NREP: variants seen among roughly 807,000 people sequenced by gnomAD.
NREP encodes neuronal regeneration-related protein.
NREP carries 5 observed loss-of-function variants against 8.6 expected under a neutral mutation model. The ratio of observed to expected loss-of-function variants is 0.58; its 90% CI spans 0.30 to 1.22. NREP has a LOEUF of 1.22. Ranked by LOEUF, NREP falls within the 50% of genes most tolerant of loss-of-function variation. The pLI is 0.07. For missense variants in NREP, 86 were observed against 82.5 expected (o/e 1.04, Z -0.17); for synonymous variants, 27 against 28.0 (o/e 0.96, Z 0.11).
chr5:111,737,922 G>C (rs1749291346), intron 2 of NREP, among the ~76,000 whole-genome samples: 1 of 151,996 alleles, frequency 6.6e-6, no homozygotes, highest in African/African-American at 2.4e-5. Flanking sequence ...GAATCATCAA[G>C]TAATCATTGT....
chr5:111,745,617 G>A (rs556984094), intron 2 of NREP, among the ~76,000 whole-genome samples: 1 of 152,238 alleles, frequency 6.6e-6, no homozygotes, highest in East Asian at 1.9e-4. Flanking sequence ...AACTGCATTT[G>A]AAATCCTGTT....
At chr5:111,968,464 G>C (rs1008202720) in intron 2 of NREP, among the ~76,000 whole-genome samples, 1 of 152,138 alleles carries the variant, frequency 6.6e-6, no homozygotes, top group Admixed American at 6.5e-5. Context: ...TTGTTATACA[G>C]AAAGATGATT....
chr5:111,800,175 G>A (rs1391348260), intron 2 of NREP, among the ~76,000 whole-genome samples: 4 of 150,978 alleles, frequency 2.6e-5, no homozygotes, highest in Admixed American at 2.0e-4. Context: ...TGATTCGCCC[G>A]CCTCGGCCTC....
At chr5:111,903,412 T>C (rs1425218435) in intron 2 of NREP, among the ~76,000 whole-genome samples, 2 of 152,096 alleles carry the variant, frequency 1.3e-5, no homozygotes, top group Non-Finnish European at 2.9e-5. Context: ...AGTTTCATCA[T>C]ATATGATGAG....
chr5:111,929,545 G>A (rs1755480800), intron 2 of NREP, among the ~76,000 whole-genome samples: 1 of 152,136 alleles, frequency 6.6e-6, no homozygotes. Context: ...TTTTAACCTA[G>A]GTTCCACTAT....
intron 2 of NREP, among the ~76,000 whole-genome samples, chr5:111,830,733 C>T (rs934752825): frequency 6.6e-6 from 1 of 152,190 alleles, no homozygotes; most frequent in African/African-American, 2.4e-5. Context: ...TGAACTCAAA[C>T]TTTTATGGTT....
At chr5:111,919,895 G>GAAA (rs1264085531) in intron 2 of NREP, among the ~76,000 whole-genome samples, 2 of 145,826 alleles carry the variant, frequency 1.4e-5, no homozygotes, top group Non-Finnish European at 3.0e-5. Flanking sequence ...AAGAAAGAAA[G>GAAA]AAAGAAAGAA....
At chr5:111,965,765 T>C (rs1756627029) in intron 2 of NREP, among the ~76,000 whole-genome samples, 1 of 152,230 alleles carries the variant, frequency 6.6e-6, no homozygotes, top group Non-Finnish European at 1.5e-5. Flanking sequence ...ATACTGTCAA[T>C]GTTCAAATTT....
chr5:111,756,310 A>AG, intron 1 of NREP: 2 of 530,186 alleles, frequency 3.8e-6, no homozygotes, highest in Non-Finnish European at 4.7e-6. Context: ...AAAAAAAAAA[A>AG]AACCCTACAC....
intron 2 of NREP, among the ~76,000 whole-genome samples, chr5:111,833,445 C>T (rs535158068): frequency 1.3e-5 from 2 of 151,432 alleles, no homozygotes; most frequent in Admixed American, 1.3e-4. Flanking sequence ...AGACTTTTCT[C>T]CTTGCAGACC....
chr5:111,886,572 C>A (rs1754254445), intron 2 of NREP, among the ~76,000 whole-genome samples: 1 of 151,068 alleles, frequency 6.6e-6, no homozygotes, highest in Admixed American at 6.6e-5. Flanking sequence ...GGAACCAACC[C>A]AAATGTCCAA....
At chr5:111,893,934 C>T (rs1014463571) in intron 2 of NREP, among the ~76,000 whole-genome samples, 4 of 151,850 alleles carry the variant, frequency 2.6e-5, no homozygotes, top group African/African-American at 9.7e-5. Flanking sequence ...ATAATAATAA[C>T]AGGCCGGGCG....
At chr5:111,896,606 T>A (rs1371303912) in intron 2 of NREP, among the ~76,000 whole-genome samples, 2 of 152,224 alleles carry the variant, frequency 1.3e-5, no homozygotes, top group African/African-American at 4.8e-5. Context: ...CCGGAGTATC[T>A]GTGCATTTTC....
intron 2 of NREP, among the ~76,000 whole-genome samples, chr5:111,895,468 T>G (rs930539835): frequency 1.3e-5 from 2 of 152,034 alleles, no homozygotes; most frequent in Middle Eastern, 3.2e-3. Flanking sequence ...GAAAAAAAAT[T>G]AAGCAGGTTA....
intron 2 of NREP, among the ~76,000 whole-genome samples, chr5:111,892,341 C>G (rs760416197): frequency 6.6e-6 from 1 of 151,686 alleles, no homozygotes; most frequent in East Asian, 1.9e-4. Context: ...AGAAATACAA[C>G]GAAAACAAAA....
chr5:111,741,459 ATAT>A (rs1283442955), intron 2 of NREP, among the ~76,000 whole-genome samples: 1 of 152,170 alleles, frequency 6.6e-6, no homozygotes, highest in African/African-American at 2.4e-5. Flanking sequence ...GTTACTGGTC[ATAT>A]GAGAGGGCCA....
intron 2 of NREP, among the ~76,000 whole-genome samples, chr5:111,747,560 C>A (rs1301186161): frequency 2.0e-5 from 3 of 152,116 alleles, no homozygotes; most frequent in African/African-American, 7.2e-5. Context: ...AACTTCTGTG[C>A]ACATTATGAG....
chr5:111,778,690 T>C (rs540081938), intron 2 of NREP, among the ~76,000 whole-genome samples: 1 of 152,296 alleles, frequency 6.6e-6, no homozygotes, highest in Admixed American at 6.5e-5. Context: ...TTGTGTTTGT[T>C]TGTTTGGCTG....
chr5:111,821,807 C>T (rs929669461), intron 2 of NREP, among the ~76,000 whole-genome samples: 2 of 152,122 alleles, frequency 1.3e-5, no homozygotes, highest in African/African-American at 4.8e-5. Flanking sequence ...CTCTTGCCTT[C>T]ACTTTTTGCT....
Sources: allele counts gnomAD v4.1 joint callset (sites outside exome capture counted in the v4.1 genomes callset), GRCh38; gene constraint gnomAD v4.1.1; transcripts MANE v1.5; gene names NCBI Gene and HGNC (gene_info 2026-07-23, HGNC 2026-07-21).